Variants in BCL2 observed in about 807,000 individuals in gnomAD.
The protein encoded by BCL2 is BCL2 apoptosis regulator.
BCL2 carries 1 observed loss-of-function variant against 14.2 expected under a neutral mutation model. The observed-to-expected ratio is 0.07, with a 90% CI of 0.02 to 0.33. BCL2 has a LOEUF of 0.33. Ranked by LOEUF, BCL2 falls within the 10% of genes least tolerant of loss-of-function variation. The pLI, the probability that BCL2 is intolerant of heterozygous loss-of-function variation, is 0.99. For missense variants in BCL2, 247 were observed against 305.9 expected, an observed-to-expected ratio of 0.81 and a Z score of 1.44; for synonymous variants, 151 against 137.2, an observed-to-expected ratio of 1.10 and a Z score of -0.70.
intron 2 of BCL2, among the ~76,000 whole-genome samples, chr18:63,169,266 T>C (rs1915128425): frequency 5.6e-5 from 3 of 53,450 alleles, no homozygotes; most frequent in African/African-American, 4.6e-4. Flanking sequence ...CTTTCTTTCT[T>C]TCTTTCTTTC....
chr18:63,238,660 G>A (rs547741862), intron 2 of BCL2, among the ~76,000 whole-genome samples: 3 of 152,212 alleles, frequency 2.0e-5, no homozygotes, highest in Non-Finnish European at 4.4e-5. Context: ...GGGGCCTGAA[G>A]GAGTGTGCAG....
Position 63,127,158 on chromosome 18 carries a change from C to T in BCL2, c.*1467G>A, listed in dbSNP as rs896850364. The T allele has an allele frequency of 1.7e-5, 4 of 229,170 alleles. No homozygotes were observed. The East Asian group carries it at 2.5e-4, about 14-fold the overall frequency. 14.2% of individuals were successfully genotyped at this position (229,170 alleles called of 1,614,324 possible). A position where few individuals can be genotyped will look rare whatever the true frequency, so the allele number is the denominator to read the frequency against. On this transcript the variant is annotated 3_prime_UTR_variant, in exon 3 of 3. Transcript: ENST00000333681. ...CAAGATAATGTTTTACATGTAATTC[C>T]ATAGACAGGGGTCAATTAATCCATG...
chr18:63,287,604 A>G (rs1912512144), intron 2 of BCL2, among the ~76,000 whole-genome samples: 1 of 152,152 alleles, frequency 6.6e-6, no homozygotes, highest in African/African-American at 2.4e-5. Context: ...TTCATTTATC[A>G]AAACCCACAA....
Position 63,198,812 on chromosome 18 carries a change from CACACAGACACACAGACAT to C in BCL2, c.586-70071_586-70054del, listed in dbSNP as rs1364842160. Among the ~76,000 whole-genome samples, 38 of 15,434 alleles carry C rather than the reference CACACAGACACACAGACAT, an allele frequency of 2.5e-3. 1 individual carries two copies. Among genetic ancestry groups the C allele is most frequent in the Non-Finnish European group, 7.4e-3 (27 of 3,658 alleles). 10.1% of individuals were successfully genotyped at this position (15,434 alleles called of 152,430 possible). On this transcript the variant is annotated intron_variant, in intron 2 of 2. Transcript: ENST00000333681. ...ACACAGACACACACTGACACAGAGA[CACACAGACACACAGACAT>C]ACACAGACACACATAGACACAGAGA...
intron 2 of BCL2, among the ~76,000 whole-genome samples, chr18:63,309,740 G>A (rs910263661): frequency 2.3e-4 from 35 of 152,150 alleles, no homozygotes; most frequent in African/African-American, 8.2e-4. Context: ...GTAACCTCAG[G>A]GGATTGGCTC....
At position 63,318,217 on chromosome 18, in the gene BCL2, G is replaced by A. The variant is rs574271017; in HGVS notation, c.450C>T (p.Phe150=). 3 of 1,614,214 alleles carry A rather than the reference G, an allele frequency of 1.9e-6. No individual in the cohort carries two copies. The highest frequency in any genetic ancestry group is 1.7e-5 in the Admixed American group (1 of 60,026). ...DGVNWGRIVA[F]FEFGGVMCVE... ...CACACATGACCCCACCGAACTCAAAGAAGGCCACAATCCTCCCCCAGTTCA... is the reference window on the plus strand; with the variant it reads ...CACACATGACCCCACCGAACTCAAAAAAGGCCACAATCCTCCCCCAGTTCA... The change falls in exon 2 of 3, where the codon TTC becomes TTT. Residue 150 remains phenylalanine (F), a synonymous_variant. Transcript: ENST00000333681. This position sits in a 1 kb window ranked among gnomAD's most constrained non-coding sequence, Gnocchi z 7.4.
At chr18:63,185,330 T>C (rs1915568692) in intron 2 of BCL2, among the ~76,000 whole-genome samples, 1 of 152,240 alleles carries the variant, frequency 6.6e-6, no homozygotes, top group South Asian at 2.1e-4. Flanking sequence ...GGTTCTAACG[T>C]CTGACTATTT....
In BCL2 at chr18:63,129,250, C is replaced by G. The variant is rs183301334; in HGVS notation, c.586-491G>C. On this transcript the variant is annotated intron_variant, in intron 2 of 2. Coordinates refer to ENST00000333681, the MANE Select transcript of BCL2 (RefSeq NM_000633.3). ...TGAGTGTTGACATCTTATCAAATGT[C>G]TGACATGCATTATTTTAGTCTTTGT... Among the ~76,000 whole-genome samples, 5 of 151,870 alleles carry G rather than the reference C, an allele frequency of 3.3e-5. No individual in the cohort carries two copies. The East Asian group carries it at 5.8e-4, about 18-fold the overall frequency.
chr18:63,175,526 A>G (rs1181165625), intron 2 of BCL2, among the ~76,000 whole-genome samples: 1 of 152,232 alleles, frequency 6.6e-6, no homozygotes, highest in Non-Finnish European at 1.5e-5. Context: ...TAGTTCATGT[A>G]AGGTCCCCAT....
intron 2 of BCL2, among the ~76,000 whole-genome samples, chr18:63,261,867 C>T (rs1911670746): frequency 6.6e-6 from 1 of 151,778 alleles, no homozygotes; most frequent in South Asian, 2.1e-4. Flanking sequence ...GCAACCTCTA[C>T]CTCCCAGGTT....
chr18:63,191,409 T>C (rs951824072), intron 2 of BCL2, among the ~76,000 whole-genome samples: 2 of 152,252 alleles, frequency 1.3e-5, no homozygotes, highest in Non-Finnish European at 2.9e-5. Flanking sequence ...TTTTAGCAAC[T>C]ATAATAACTT....
At position 63,150,173 on chromosome 18, in the gene BCL2, G is replaced by A. The variant is rs186781984; in HGVS notation, c.586-21414C>T. On this transcript the variant is annotated intron_variant, in intron 2 of 2. Transcript: ENST00000333681. Reference sequence around the variant, plus strand: ...GCTGGGATTACAGGCGTGAGCCACCGCGCCCAGCCTGACATGAGGCTTTTA... The same window carrying A: ...GCTGGGATTACAGGCGTGAGCCACCACGCCCAGCCTGACATGAGGCTTTTA... 6.0e-4 allele frequency among the ~76,000 whole-genome samples: 92 copies of A among 152,262 alleles called. 3 individuals are homozygous for A. In the South Asian group the frequency reaches 0.012, roughly 20 times the overall value.
chr18:63,304,978 G>T (rs1251675640), intron 2 of BCL2, among the ~76,000 whole-genome samples: 2 of 152,188 alleles, frequency 1.3e-5, no homozygotes, highest in Non-Finnish European at 2.9e-5. Context: ...CCTGTTGAAA[G>T]GGGCTGTTTT....
intron 2 of BCL2, among the ~76,000 whole-genome samples, chr18:63,296,233 G>A (rs188205820): frequency 2.6e-5 from 4 of 152,212 alleles, no homozygotes; most frequent in Middle Eastern, 3.4e-3. Flanking sequence ...AATAGAAGTC[G>A]AAAGTTCTAT....
chr18:63,318,703 C>T lies in BCL2; in HGVS notation c.-37G>A. 6.2e-7 allele frequency: 1 copy of T among 1,611,654 alleles called. No homozygotes were observed. Among genetic ancestry groups the T allele is most frequent in the Non-Finnish European group, 8.5e-7 (1 of 1,178,786 alleles). ...GAAAAGCAACGGGGGCCAACGGCACCTCTCGCCCCAGCTCCCACCCCACGG... is the reference window on the plus strand; with the variant it reads ...GAAAAGCAACGGGGGCCAACGGCACTTCTCGCCCCAGCTCCCACCCCACGG... On this transcript the variant is annotated 5_prime_UTR_variant, in exon 2 of 3. Coordinates refer to ENST00000333681, the MANE Select transcript of BCL2 (RefSeq NM_000633.3). This position sits in a 1 kb window ranked among gnomAD's most constrained non-coding sequence, Gnocchi z 7.4.
intron 2 of BCL2, among the ~76,000 whole-genome samples, chr18:63,260,126 C>T (rs1911611975): frequency 6.6e-6 from 1 of 151,964 alleles, no homozygotes; most frequent in South Asian, 2.1e-4. Flanking sequence ...GTCACATGAA[C>T]ACTGCTGTAA....
intron 2 of BCL2, among the ~76,000 whole-genome samples, chr18:63,260,711 A>T (rs1911632827): frequency 6.6e-6 from 1 of 152,194 alleles, no homozygotes; most frequent in Admixed American, 6.5e-5. Flanking sequence ...AATGGAAAAA[A>T]AAAAGTGGCC....
At chr18:63,256,247 C>T (rs559572375) in intron 2 of BCL2, among the ~76,000 whole-genome samples, 16 of 152,308 alleles carry the variant, frequency 1.1e-4, no homozygotes, top group Middle Eastern at 6.8e-3. Context: ...GACCGAGTCT[C>T]GCTCTGTCAC....
At chr18:63,201,125 G>T (rs1437354455) in intron 2 of BCL2, among the ~76,000 whole-genome samples, 2 of 152,196 alleles carry the variant, frequency 1.3e-5, no homozygotes, top group Non-Finnish European at 2.9e-5. Context: ...CTGCTGCTAC[G>T]CTGATAGCCA....
Sources: allele counts gnomAD v4.1 joint callset (sites outside exome capture counted in the v4.1 genomes callset), GRCh38; gene constraint gnomAD v4.1.1; non-coding constraint Gnocchi (gnomAD v3.1); transcripts MANE v1.5; gene names NCBI Gene and HGNC (gene_info 2026-07-23, HGNC 2026-07-21).